CDKN2B-AS1: variants seen among roughly 807,000 people sequenced by gnomAD.
The protein encoded by CDKN2B-AS1 is CDKN2B antisense RNA 1 (non-protein coding).
rs544663639 is a variant in CDKN2B-AS1 at position 22,007,728 on chromosome 9, A to G, written n.29+12567A>G. Among the ~76,000 whole-genome samples, 96 of 152,312 alleles carry G rather than the reference A, an allele frequency of 6.3e-4. 1 individual carries two copies. The highest frequency in any genetic ancestry group is 2.2e-3 in the African/African-American group (91 of 41,582). On this transcript the variant is annotated intron_variant and non_coding_transcript_variant, in intron 1 of 4. Coordinates refer to ENST00000650946, the Ensembl canonical transcript of CDKN2B-AS1. ...GTGATGTAAGGATATTTTACATAGA[A>G]AAAAAGGGGAAAATAGCTGCTGTTA...
intron 3 of CDKN2B-AS1, among the ~76,000 whole-genome samples, chr9:22,049,625 C>T (rs1823257539): frequency 6.6e-6 from 1 of 152,090 alleles, no homozygotes; most frequent in Non-Finnish European, 1.5e-5. Flanking sequence ...TAGAGTAGGG[C>T]AGATGAGAAA....
chr9:22,108,381 G>C (rs1261335542), intron 4 of CDKN2B-AS1, among the ~76,000 whole-genome samples: 2 of 152,168 alleles, frequency 1.3e-5, no homozygotes, highest in Non-Finnish European at 1.5e-5. Flanking sequence ...CACATTGCTT[G>C]GTCATTCAAT....
At chr9:22,065,412 G>A (rs1277899362) in intron 4 of CDKN2B-AS1, among the ~76,000 whole-genome samples, 2 of 152,190 alleles carry the variant, frequency 1.3e-5, no homozygotes, top group Non-Finnish European at 2.9e-5. Context: ...GAGAATTGCA[G>A]TTTTACATTG....
At chr9:22,002,717 G>A (rs748039597) in intron 1 of CDKN2B-AS1, among the ~76,000 whole-genome samples, 10 of 152,078 alleles carry the variant, frequency 6.6e-5, no homozygotes, top group African/African-American at 1.2e-4. Flanking sequence ...TCCCAGAGGC[G>A]TTTGGGGTTT....
At chr9:22,081,911 T>C (rs1824712547) in intron 4 of CDKN2B-AS1, among the ~76,000 whole-genome samples, 1 of 152,228 alleles carries the variant, frequency 6.6e-6, no homozygotes, top group Non-Finnish European at 1.5e-5. Flanking sequence ...CCCAGGAGTT[T>C]TTTTTACTCT....
At chr9:22,085,230 A>G (rs963259513) in intron 4 of CDKN2B-AS1, among the ~76,000 whole-genome samples, 4 of 152,186 alleles carry the variant, frequency 2.6e-5, no homozygotes, top group Non-Finnish European at 4.4e-5. Flanking sequence ...TTAGGTAGCT[A>G]GTTTGCCCAC....
At chr9:22,094,439 T>A (rs1198500631) in intron 4 of CDKN2B-AS1, among the ~76,000 whole-genome samples, 1 of 144,642 alleles carries the variant, frequency 6.9e-6, no homozygotes, top group Non-Finnish European at 1.5e-5. Context: ...ATTCTGCCCG[T>A]CACTTTCAGG....
intron 4 of CDKN2B-AS1, among the ~76,000 whole-genome samples, chr9:22,062,341 A>G (rs1289066386): frequency 3.9e-5 from 6 of 152,250 alleles, no homozygotes; most frequent in African/African-American, 1.2e-4. Context: ...TACATTCTTG[A>G]AAAGGAAATC....
At position 21,995,404 on chromosome 9, in the gene CDKN2B-AS1, T is replaced by A. The variant is rs907890833; in HGVS notation, n.29+243T>A. On this transcript the variant is annotated intron_variant and non_coding_transcript_variant, in intron 1 of 4. Coordinates refer to ENST00000650946, the Ensembl canonical transcript of CDKN2B-AS1. The surrounding 1 kb of genome is among the most constrained non-coding windows in gnomAD (Gnocchi z 5.7). The stretch of plus-strand genomic sequence containing the variant: ...CCCCTCCTGTCGCCGCGTCCTCGCG[T>A]AGAATGGTTGTCTTGGCGACCGTTG... 1.9e-4 allele frequency: 29 copies of A among 152,636 alleles called. No homozygotes were observed. Among genetic ancestry groups the A allele is most frequent in the African/African-American group, 6.7e-4 (28 of 41,538 alleles). The allele number at this position is 152,636 out of a possible 1,614,324, so 9.5% of individuals were successfully genotyped here.
At chr9:22,020,047 C>T (rs149694583) in intron 1 of CDKN2B-AS1, among the ~76,000 whole-genome samples, 16 of 152,202 alleles carry the variant, frequency 1.1e-4, no homozygotes, top group Middle Eastern at 6.8e-3. Flanking sequence ...TGATAGGCCC[C>T]GGTGTGTGTT....
At chr9:22,025,998 A>C (rs1587420660) in intron 1 of CDKN2B-AS1, among the ~76,000 whole-genome samples, 1 of 151,064 alleles carries the variant, frequency 6.6e-6, no homozygotes, top group South Asian at 2.1e-4. Flanking sequence ...GAAGTCTGAA[A>C]CCTCTCTCAG....
chr9:22,008,394 T>C (rs1821299159), intron 1 of CDKN2B-AS1, among the ~76,000 whole-genome samples: 1 of 152,180 alleles, frequency 6.6e-6, no homozygotes, highest in Non-Finnish European at 1.5e-5. Context: ...ATTGATTTTT[T>C]CCATGTACTA....
intron 4 of CDKN2B-AS1, among the ~76,000 whole-genome samples, chr9:22,106,376 C>T (rs1390599947): frequency 3.9e-5 from 6 of 152,080 alleles, no homozygotes; most frequent in South Asian, 2.1e-4. Context: ...CCACTGTGCC[C>T]GGCCTAATTT....
intron 1 of CDKN2B-AS1, among the ~76,000 whole-genome samples, chr9:22,029,211 A>G (rs1485885310): frequency 6.6e-6 from 1 of 152,214 alleles, no homozygotes; most frequent in Non-Finnish European, 1.5e-5. Context: ...GTGGTTGAGA[A>G]ACAGAATAGT....
At chr9:22,060,216 G>A (rs989794930) in intron 4 of CDKN2B-AS1, among the ~76,000 whole-genome samples, 1 of 152,070 alleles carries the variant, frequency 6.6e-6, no homozygotes, top group Admixed American at 6.6e-5. Flanking sequence ...TCTGAACTCT[G>A]TTTCCCTTTT....
At chr9:22,081,572 G>A (rs1199739525) in intron 4 of CDKN2B-AS1, among the ~76,000 whole-genome samples, 3 of 152,232 alleles carry the variant, frequency 2.0e-5, no homozygotes, top group Admixed American at 6.5e-5. Context: ...ATGGGAACAA[G>A]TTGTGGGTCT....
At chr9:22,010,161 G>T (rs1821426838) in intron 1 of CDKN2B-AS1, among the ~76,000 whole-genome samples, 1 of 152,160 alleles carries the variant, frequency 6.6e-6, no homozygotes, top group African/African-American at 2.4e-5. Flanking sequence ...TAAGAGAGGG[G>T]TGTGGTGCTG....
rs565660385 is a variant in CDKN2B-AS1, at chr9:22,053,954, A to C, written n.303-2298A>C. 3.4e-3 allele frequency among the ~76,000 whole-genome samples: 301 copies of C among 88,646 alleles called. 1 individual carries two copies. The highest frequency in any genetic ancestry group is 0.012 in the African/African-American group (289 of 23,956). The allele number at this position is 88,646 out of a possible 152,430, so 58.2% of individuals were successfully genotyped here. ...ACAGGCTTTGCAATAAGCAGCCTTA[A>C]ATTAAAAAAAAAAAAGTTAACTCAT... On this transcript the variant is annotated intron_variant and non_coding_transcript_variant, in intron 3 of 4. Transcript: ENST00000650946.
intron 1 of CDKN2B-AS1, among the ~76,000 whole-genome samples, chr9:22,013,655 C>T (rs915898263): frequency 1.3e-5 from 2 of 152,128 alleles, no homozygotes; most frequent in African/African-American, 4.8e-5. Flanking sequence ...GTCTTGCCAT[C>T]TGGCCCAGGC....
Sources: gnomAD v4.1 joint callset for allele counts (sites outside exome capture counted in the v4.1 genomes callset) on GRCh38, gnomAD v4.1.1 for gene constraint, Gnocchi (gnomAD v3.1) non-coding constraint, MANE v1.5 for transcripts, NCBI Gene and HGNC (gene_info 2026-07-23, HGNC 2026-07-21) for gene names.